The following SLC7A5 variants were observed in gnomAD, a reference collection of about 807,000 sequenced individuals.
SLC7A5 encodes the protein large neutral amino acids transporter small subunit 1.
SLC7A5 carries 23 observed loss-of-function variants against 50.2 expected under a neutral mutation model. The ratio of observed to expected loss-of-function variants is 0.46; its 90% confidence interval spans 0.33 to 0.65. SLC7A5 has a LOEUF of 0.65. SLC7A5 is among the 30% of genes least tolerant of loss of function. SLC7A5 has a pLI of 0.02. For missense variants in SLC7A5, 578 were observed against 684.4 expected (o/e 0.84, Z 1.73); for synonymous variants, 393 against 330.6 (o/e 1.19, Z -2.05).
chr16:87,845,399 G>C (rs2055138974), intron 2 of SLC7A5, among the ~76,000 whole-genome samples: 1 of 145,158 alleles, frequency 6.9e-6, no homozygotes, highest in Admixed American at 7.0e-5. Flanking sequence ...CCAGAGCCCA[G>C]GCCAGAGTCC....
intron 1 of SLC7A5, among the ~76,000 whole-genome samples, chr16:87,868,545 G>A (rs977488560): frequency 3.3e-5 from 5 of 152,190 alleles, no homozygotes; most frequent in Admixed American, 2.6e-4. Flanking sequence ...CTCCACGTGG[G>A]TGCCACGCAA....
intron 8 of SLC7A5, among the ~76,000 whole-genome samples, chr16:87,835,748 A>G (rs1237198485): frequency 6.6e-6 from 1 of 152,202 alleles, no homozygotes; most frequent in Non-Finnish European, 1.5e-5. Flanking sequence ...TGCTGGGATT[A>G]CAGGCGTGAG....
At chr16:87,847,625 A>G (rs2055170156) in intron 2 of SLC7A5, among the ~76,000 whole-genome samples, 1 of 152,140 alleles carries the variant, frequency 6.6e-6, no homozygotes, top group Non-Finnish European at 1.5e-5. Flanking sequence ...CCAAGAGCAG[A>G]TGGGCCCAGT....
chr16:87,869,463 G>C lies in SLC7A5; in HGVS notation c.-41C>G, dbSNP rs934357026. 6 of 1,325,322 alleles carry C rather than the reference G, an allele frequency of 4.5e-6. No homozygotes were observed. The highest frequency in any genetic ancestry group is 4.2e-5 in the Admixed American group (1 of 23,882). 82.1% of individuals were successfully genotyped at this position (1,325,322 alleles called of 1,614,324 possible). ...CGGGCCTGGGACACCCGGGAGCCGC[G>C]GCCCAGCGAGCAGTGTGCGCGCCGC... On this transcript the variant is annotated 5_prime_UTR_variant, in exon 1 of 10. Coordinates refer to ENST00000261622, the MANE Select transcript of SLC7A5 (RefSeq NM_003486.7).
intron 2 of SLC7A5, among the ~76,000 whole-genome samples, chr16:87,845,980 G>A (rs988983238): frequency 6.6e-6 from 1 of 152,240 alleles, no homozygotes; most frequent in Non-Finnish European, 1.5e-5. Flanking sequence ...GAGGCCGACG[G>A]CACAGAAGAA....
intron 1 of SLC7A5, 135 bp downstream of exon 1, chr16:87,868,750 C>T: frequency 1.1e-6 from 1 of 925,058 alleles, no homozygotes; most frequent in Non-Finnish European, 1.7e-6. Flanking sequence ...GGACCAATGA[C>T]CTTAGCCTAG....
Position 87,831,232 on chromosome 16 carries a change from G to C in SLC7A5, c.*1738C>G, listed in dbSNP as rs2054931850. 1 of 152,344 alleles carries C rather than the reference G, an allele frequency of 6.6e-6. No homozygotes were observed. Among genetic ancestry groups the C allele is most frequent in the African/African-American group, 2.4e-5 (1 of 41,462 alleles). The allele number at this position is 152,344 out of a possible 1,614,324, so 9.4% of individuals were successfully genotyped here. A position where few individuals can be genotyped will look rare whatever the true frequency, so the allele number is the denominator to read the frequency against. On this transcript the variant is annotated 3_prime_UTR_variant, in exon 10 of 10. Coordinates refer to ENST00000261622, the MANE Select transcript of SLC7A5 (RefSeq NM_003486.7). The stretch of plus-strand genomic sequence containing the variant: ...GACGAGTGGAATTCGTCCCCAGGAA[G>C]GATGCAGGTCCTATGAGCAGACGCT...
chr16:87,841,194 G>T lies in SLC7A5; in HGVS notation c.665-39C>A. The stretch of plus-strand genomic sequence containing the variant: ...AGAAAGGAATGCTGGGTTAGAGAGC[G>T]CTGAACAGAGGTCATGCTACCAGTT... On this transcript the variant is annotated intron_variant, in intron 2 of 9. Coordinates refer to ENST00000261622, the MANE Select transcript of SLC7A5 (RefSeq NM_003486.7). The surrounding 1 kb of genome is among the most constrained non-coding windows in gnomAD (Gnocchi z 4.8). The T allele has an allele frequency of 2.3e-6, 3 of 1,326,430 alleles. No individual in the cohort carries two copies. Among genetic ancestry groups the T allele is most frequent in the Non-Finnish European group, 3.3e-6 (3 of 918,088 alleles). The allele number at this position is 1,326,430 out of a possible 1,614,324, so 82.2% of individuals were successfully genotyped here.
Position 87,841,996 on chromosome 16 carries a change from G to A in SLC7A5, c.665-841C>T, listed in dbSNP as rs572813586. Among the ~76,000 whole-genome samples, 83 of 152,372 alleles carry A rather than the reference G, an allele frequency of 5.4e-4. No homozygotes were observed. The highest frequency in any genetic ancestry group is 3.4e-3 in the Middle Eastern group (1 of 294). ...TGCTGGGACAGCACTGGCCCTTTCT[G>A]TGGCTGTTGCCTCCTCTGTGAAATG... On this transcript the variant is annotated intron_variant, in intron 2 of 9. Transcript: ENST00000261622. The surrounding 1 kb of genome is among the most constrained non-coding windows in gnomAD (Gnocchi z 4.8).
At chr16:87,848,504 G>A (rs1448599245) in intron 2 of SLC7A5, among the ~76,000 whole-genome samples, 1 of 152,222 alleles carries the variant, frequency 6.6e-6, no homozygotes, top group African/African-American at 2.4e-5. Flanking sequence ...TTTCGAAAAG[G>A]CTGGGACTAA....
intron 1 of SLC7A5, among the ~76,000 whole-genome samples, chr16:87,858,497 G>C (rs2055348120): frequency 6.6e-6 from 1 of 152,178 alleles, no homozygotes; most frequent in Non-Finnish European, 1.5e-5. Flanking sequence ...ACCCGCTCCA[G>C]TCACGGTATT....
At chr16:87,856,336 T>C (rs113518174) in intron 1 of SLC7A5, among the ~76,000 whole-genome samples, 154 of 152,308 alleles carry the variant, frequency 1.0e-3, no homozygotes, top group Middle Eastern at 3.4e-3. Flanking sequence ...TGACGATTGT[T>C]TACCCAGAAC....
intron 8 of SLC7A5, among the ~76,000 whole-genome samples, chr16:87,835,007 G>A (rs760138883): frequency 6.6e-6 from 1 of 152,236 alleles, no homozygotes; most frequent in African/African-American, 2.4e-5. Context: ...TGTGGACAGC[G>A]CTGAGCAAAA....
chr16:87,850,638 A>G (rs1475427066), intron 2 of SLC7A5, among the ~76,000 whole-genome samples: 2 of 152,226 alleles, frequency 1.3e-5, no homozygotes, highest in Non-Finnish European at 1.5e-5. Context: ...TGGCTCCAAC[A>G]TGGATGGAGA....
intron 2 of SLC7A5, among the ~76,000 whole-genome samples, chr16:87,843,149 C>T (rs541179723): frequency 9.2e-5 from 14 of 152,196 alleles, no homozygotes; most frequent in Admixed American, 2.6e-4. Context: ...TCAGCCTGAG[C>T]TGATGGACAG....
At chr16:87,863,114 T>C (rs1845878709) in intron 1 of SLC7A5, among the ~76,000 whole-genome samples, 1 of 152,186 alleles carries the variant, frequency 6.6e-6, no homozygotes, top group South Asian at 2.1e-4. Context: ...GGAGGAGCTG[T>C]CTGCAGGCCA....
At chr16:87,868,222 A>G (rs1241624070) in intron 1 of SLC7A5, among the ~76,000 whole-genome samples, 5 of 152,282 alleles carry the variant, frequency 3.3e-5, no homozygotes, top group Non-Finnish European at 5.9e-5. Context: ...CCAAAACAGG[A>G]GCCCCATGGC....
chr16:87,865,936 G>T (rs932849555), intron 1 of SLC7A5, among the ~76,000 whole-genome samples: 2 of 152,166 alleles, frequency 1.3e-5, no homozygotes, highest in African/African-American at 2.4e-5. Flanking sequence ...CAGGAGAATC[G>T]TTTAAACCCA....
intron 2 of SLC7A5, 32 bp downstream of exon 2, chr16:87,851,682 AGCCTCGAGGG>A: frequency 6.2e-7 from 1 of 1,600,146 alleles, no homozygotes; most frequent in South Asian, 1.1e-5. Flanking sequence ...ACACAGGCAA[AGCCTCGAGGG>A]GCCGCCGGTG....
Sources: gnomAD v4.1 joint callset for allele counts (sites outside exome capture counted in the v4.1 genomes callset) on GRCh38, gnomAD v4.1.1 for gene constraint, Gnocchi (gnomAD v3.1) non-coding constraint, MANE v1.5 for transcripts, NCBI Gene and HGNC (gene_info 2026-07-23, HGNC 2026-07-21) for gene names.